The following TEX36 variants were observed in gnomAD, a reference collection of about 807,000 sequenced individuals.
TEX36 encodes the protein testis expressed 36.
A neutral mutation model predicts 13.6 loss-of-function variants in TEX36; 12 were observed. The ratio of observed to expected loss-of-function variants is 0.88; its 90% CI spans 0.56 to 1.43. TEX36 has a LOEUF of 1.43. TEX36 is among the 40% of genes most tolerant of loss of function. TEX36 has a pLI of 0.00. For synonymous variants in TEX36, 93 were observed against 83.0 expected, an observed-to-expected ratio of 1.12 and a Z score of -0.65; for missense variants, 224 against 228.3, an observed-to-expected ratio of 0.98 and a Z score of 0.12.
chr10:125,608,856 C>T lies in TEX36; in HGVS notation c.265-31982G>A, dbSNP rs151043194. ...GAATAAAAATTTTAAAAAGGGAGGC[C>T]GGGCGCGGTGGCTAACACCTGTAAT... is the stretch of plus-strand genomic sequence containing the variant. On this transcript the variant is annotated intron_variant, in intron 3 of 3. Transcript: ENST00000532135. Among the ~76,000 whole-genome samples, 1,370 of 151,406 alleles carry T rather than the reference C, an allele frequency of 9.0e-3. 10 individuals are homozygous for T. Among genetic ancestry groups the T allele is most frequent in the Middle Eastern group, 0.034 (10 of 294 alleles).
At chr10:125,594,093 C>A (rs1846052714) in intron 3 of TEX36, among the ~76,000 whole-genome samples, 1 of 152,162 alleles carries the variant, frequency 6.6e-6, no homozygotes. Context: ...ACCTCTCTCC[C>A]AAGACGTAGA....
chr10:125,661,793 C>T (rs545101288), intron 2 of TEX36, 53 bp downstream of exon 2: 3 of 1,538,974 alleles, frequency 1.9e-6, no homozygotes, highest in East Asian at 2.5e-5. Context: ...AGCGGCGCTG[C>T]CCCCTGGGAG....
intron 1 of TEX36, among the ~76,000 whole-genome samples, chr10:125,681,117 T>C (rs1452392126): frequency 2.0e-5 from 3 of 152,214 alleles, no homozygotes; most frequent in Non-Finnish European, 4.4e-5. Context: ...GACAGGCGCC[T>C]TCCATCTTTT....
At chr10:125,654,852 A>G (rs1352686024), downstream of TEX36, among the ~76,000 whole-genome samples, 1 of 152,184 alleles carries the variant, frequency 6.6e-6, no homozygotes, top group Non-Finnish European at 1.5e-5. Flanking sequence ...TTCAAAGCCA[A>G]TGCATTATTT....
At chr10:125,632,512 C>T (rs771506617) in intron 3 of TEX36, among the ~76,000 whole-genome samples, 18 of 152,084 alleles carry the variant, frequency 1.2e-4, no homozygotes, top group Non-Finnish European at 2.4e-4. Context: ...CCACAAAATG[C>T]GTTCAGGAAG....
chr10:125,613,217 CTTTTTTT>C (rs71029263), intron 3 of TEX36, among the ~76,000 whole-genome samples: 1 of 116,780 alleles, frequency 8.6e-6, no homozygotes, highest in South Asian at 2.8e-4. Flanking sequence ...TCCCCACTTC[CTTTTTTT>C]TTTTTTTTTT....
chr10:125,676,309 A>G (rs1314303437), intron 1 of TEX36, among the ~76,000 whole-genome samples: 2 of 152,226 alleles, frequency 1.3e-5, no homozygotes, highest in Non-Finnish European at 2.9e-5. Flanking sequence ...GGATAGCCAT[A>G]TATTTAGAAC....
chr10:125,615,687 G>A (rs1403800199), intron 3 of TEX36, among the ~76,000 whole-genome samples: 19 of 151,036 alleles, frequency 1.3e-4, no homozygotes, highest in Admixed American at 4.6e-4. Flanking sequence ...CGTTTTGCCA[G>A]TATTTTATTG....
chr10:125,655,255 G>C (rs1846920297), downstream of TEX36, among the ~76,000 whole-genome samples: 1 of 152,098 alleles, frequency 6.6e-6, no homozygotes, highest in Admixed American at 6.6e-5. Flanking sequence ...GACCAGCCTG[G>C]CCAAGAAGGT....
chr10:125,584,399 T>A (rs913134380), intron 3 of TEX36, among the ~76,000 whole-genome samples: 14 of 152,234 alleles, frequency 9.2e-5, no homozygotes, highest in African/African-American at 3.1e-4. Context: ...AGTATAAAAA[T>A]AATCCTCGTA....
intron 3 of TEX36, among the ~76,000 whole-genome samples, chr10:125,643,709 G>C (rs1212628340): frequency 6.6e-6 from 1 of 151,400 alleles, no homozygotes; most frequent in African/African-American, 2.4e-5. Flanking sequence ...ACCACTAGTG[G>C]CACTCCAGCC....
At chr10:125,665,700 T>C (rs1026168782) in intron 1 of TEX36, among the ~76,000 whole-genome samples, 1 of 152,202 alleles carries the variant, frequency 6.6e-6, no homozygotes, top group Non-Finnish European at 1.5e-5. Context: ...CTCTTTTTTA[T>C]TCCATATGAA....
chr10:125,666,461 G>A (rs1847123083), intron 1 of TEX36, among the ~76,000 whole-genome samples: 1 of 152,100 alleles, frequency 6.6e-6, no homozygotes, highest in African/African-American at 2.4e-5. Context: ...ATAATCATAT[G>A]GTTTTTGTCC....
chr10:125,626,759 T>A (rs212385), intron 3 of TEX36, among the ~76,000 whole-genome samples: 33,354 of 151,994 alleles, frequency 0.22, 5,775 homozygotes, highest in African/African-American at 0.48. Context: ...GAGCACTAAA[T>A]CCAACACCGA....
chr10:125,647,016 G>C (rs1229899544), intron 3 of TEX36, among the ~76,000 whole-genome samples: 1 of 152,152 alleles, frequency 6.6e-6, no homozygotes, highest in Non-Finnish European at 1.5e-5. Flanking sequence ...CTGCAAGTAA[G>C]ATAATTGCAT....
intron 3 of TEX36, among the ~76,000 whole-genome samples, chr10:125,590,711 T>G (rs1015254270): frequency 2.6e-5 from 4 of 152,190 alleles, no homozygotes; most frequent in African/African-American, 7.2e-5. Flanking sequence ...AAAAAAGCAC[T>G]ATATAGAAGT....
At chr10:125,656,414 G>A (rs977808870) in intron 3 of TEX36, among the ~76,000 whole-genome samples, 6 of 151,666 alleles carry the variant, frequency 4.0e-5, no homozygotes, top group East Asian at 1.9e-4. Context: ...ACCCCACCAC[G>A]CCTGGCTAAG....
intron 3 of TEX36, among the ~76,000 whole-genome samples, chr10:125,616,134 C>T (rs1846354849): frequency 6.6e-6 from 1 of 152,290 alleles, no homozygotes; most frequent in South Asian, 2.1e-4. Context: ...ATGATATCCC[C>T]TTTACCATTT....
chr10:125,614,366 T>G (rs1039374333), intron 3 of TEX36, among the ~76,000 whole-genome samples: 1 of 152,204 alleles, frequency 6.6e-6, no homozygotes, highest in Non-Finnish European at 1.5e-5. Context: ...CATGCCTATG[T>G]CCTGAATGGT....
Sources: allele counts gnomAD v4.1 joint callset (sites outside exome capture counted in the v4.1 genomes callset), GRCh38; gene constraint gnomAD v4.1.1; transcripts MANE v1.5; gene names NCBI Gene and HGNC (gene_info 2026-07-23, HGNC 2026-07-21).